Variants in CCT8 observed in about 807,000 individuals in gnomAD.
CCT8 encodes T-complex protein 1 subunit theta.
CCT8 carries 10 observed loss-of-function variants against 65.7 expected under a neutral mutation model. The observed-to-expected ratio is 0.15, with a 90% CI of 0.09 to 0.26. CCT8 has a LOEUF of 0.26. CCT8 is among the 10% of genes least tolerant of loss of function. CCT8 has a pLI of 1.00. For synonymous variants in CCT8, 199 were observed against 221.8 expected, an observed-to-expected ratio of 0.90 and a Z score of 0.92; for missense variants, 568 against 669.1, an observed-to-expected ratio of 0.85 and a Z score of 1.67.
chr21:29,057,331 C>T (rs2085509042), intron 14 of CCT8, among the ~76,000 whole-genome samples: 1 of 151,676 alleles, frequency 6.6e-6, no homozygotes, highest in African/African-American at 2.4e-5. Flanking sequence ...ATCACCATGC[C>T]CGGCTAAGTT....
At chr21:29,058,358 T>C (rs2085527336) in intron 14 of CCT8, among the ~76,000 whole-genome samples, 1 of 151,820 alleles carries the variant, frequency 6.6e-6, no homozygotes, top group Non-Finnish European at 1.5e-5. Context: ...GCAGAATTGC[T>C]TGAACCTGGG....
chr21:29,062,645 C>A (rs373495330), intron 8 of CCT8, 89 bp from the exon 9 acceptor site: 5 of 948,048 alleles, frequency 5.3e-6, no homozygotes, highest in African/African-American at 1.7e-5. Flanking sequence ...TGTATACCAG[C>A]CCCCATGTCA....
chr21:29,060,472 C>T, intron 14 of CCT8, 69 bp downstream of exon 14: 4 of 1,506,466 alleles, frequency 2.7e-6, no homozygotes, highest in Non-Finnish European at 3.7e-6. Flanking sequence ...TGTTCTAGTT[C>T]TGGGAAAATA....
At chr21:29,057,709 A>C (rs563187075) in intron 14 of CCT8, among the ~76,000 whole-genome samples, 1 of 146,538 alleles carries the variant, frequency 6.8e-6, no homozygotes, top group African/African-American at 2.5e-5. Flanking sequence ...TATCATATAT[A>C]ATATATATCA....
chr21:29,059,136 T>C (rs2085535608), intron 14 of CCT8, among the ~76,000 whole-genome samples: 1 of 152,234 alleles, frequency 6.6e-6, no homozygotes, highest in Non-Finnish European at 1.5e-5. Flanking sequence ...GGGACCATAC[T>C]TTGAGAACTA....
intron 1 of CCT8, chr21:29,071,951 C>T (rs1293528377): frequency 2.8e-6 from 2 of 702,276 alleles, no homozygotes; most frequent in Non-Finnish European, 5.2e-6. Context: ...TCTGAACTTA[C>T]CATTCTTCCT....
chr21:29,069,113 CTG>C (rs2085655314), intron 3 of CCT8, among the ~76,000 whole-genome samples: 1 of 152,136 alleles, frequency 6.6e-6, no homozygotes, highest in Non-Finnish European at 1.5e-5. Flanking sequence ...CGTTTTTGCA[CTG>C]TGGAATAATT....
At chr21:29,061,792 T>G (rs1388296861) in intron 11 of CCT8, among the ~76,000 whole-genome samples, 2 of 152,194 alleles carry the variant, frequency 1.3e-5, no homozygotes, top group African/African-American at 4.8e-5. Context: ...AAGTGAAGAA[T>G]GGGAATAGTA....
intron 2 of CCT8, 92 bp downstream of exon 2, chr21:29,070,155 C>A: frequency 6.0e-6 from 4 of 667,688 alleles, no homozygotes; most frequent in South Asian, 2.8e-5. Flanking sequence ...CTTCCGAAGT[C>A]ATACCATAAC....
rs2085710650 is a variant in CCT8 at position 29,073,648 on chromosome 21, G to A, written c.-58C>T. 4 of 1,517,228 alleles carry A rather than the reference G, an allele frequency of 2.6e-6. No homozygotes were observed. The highest frequency in any genetic ancestry group is 2.3e-5 in the East Asian group (1 of 44,424). The allele number at this position is 1,517,228 out of a possible 1,614,324, so 94.0% of individuals were successfully genotyped here. ...CTCGGAAGACCGCGGAGGAAGCGAG[G>A]AGCACGCACAGCCTTCTGGGAAAGC... On this transcript the variant is annotated 5_prime_UTR_variant, in exon 1 of 15. Coordinates refer to ENST00000286788, the MANE Select transcript of CCT8 (RefSeq NM_006585.4).
chr21:29,069,379 GATGTCACCAAAAT>G, intron 3 of CCT8, 31 bp downstream of exon 3: 2 of 1,111,032 alleles, frequency 1.8e-6, no homozygotes, highest in East Asian at 5.0e-5. Context: ...ACTTAATTTT[GATGTCACCAAAAT>G]ATTTCTTGAC....
In CCT8 at chr21:29,056,491, T is replaced by A. The variant is rs909368329; in HGVS notation, c.1631A>T (p.Asp544Val). ...AAGCCAATTTCAATCATTTTGGTCA[T>A]CATCCCAGTCTTTCTTCCCACTTGG... The part of the protein sequence containing the change: ...KPPSGKKDWD[D>V]DQND Residue 544 changes from aspartate (D) to valine (V), a missense_variant, in exon 15 of 15, where the codon GAT becomes GTT. By Grantham distance (152) the Asp-to-Val change is radical. Coordinates refer to ENST00000286788, the MANE Select transcript of CCT8 (RefSeq NM_006585.4). 80 of 1,531,974 alleles carry A rather than the reference T, an allele frequency of 5.2e-5. No individual in the cohort carries two copies. The highest frequency in any genetic ancestry group is 6.4e-5 in the Non-Finnish European group (73 of 1,137,994). The allele number at this position is 1,531,974 out of a possible 1,614,324, so 94.9% of individuals were successfully genotyped here.
chr21:29,062,171 C>G lies in CCT8; in HGVS notation c.1169G>C (p.Arg390Thr). The change falls in exon 11 of 15, where the codon AGG becomes ACG. Residue 390 changes from arginine to threonine, a missense_variant. Transcript: ENST00000286788. ...STDNLMDDIE[R>T]AVDDGVNTFK... ...AGTATTAACACCATCGTCTACTGCCCTTTCTATGTCATCCATCAGATTGTC... is the reference window on the plus strand; with the variant it reads ...AGTATTAACACCATCGTCTACTGCCGTTTCTATGTCATCCATCAGATTGTC... 1 of 1,613,408 alleles carries G rather than the reference C, an allele frequency of 6.2e-7. No individual in the cohort carries two copies.
chr21:29,058,733 A>C (rs2085531325), intron 14 of CCT8, among the ~76,000 whole-genome samples: 2 of 151,358 alleles, frequency 1.3e-5, no homozygotes, highest in Non-Finnish European at 2.9e-5. Flanking sequence ...CTGGGACTAC[A>C]GGCATCTGCC....
At chr21:29,057,662 T>C (rs1010558726) in intron 14 of CCT8, among the ~76,000 whole-genome samples, 13 of 142,578 alleles carry the variant, frequency 9.1e-5, no homozygotes, top group Admixed American at 6.4e-4. Context: ...ATATATATGA[T>C]ATATGTATCA....
In CCT8 at chr21:29,073,580, T is replaced by C. The variant is rs776634991; in HGVS notation, c.11A>G (p.His4Arg). Residue 4 changes from histidine to arginine, a missense_variant, in exon 1 of 15, where the codon CAC becomes CGC. Transcript: ENST00000286788. MAL[H>R]VPKAPGFAQM... The stretch of plus-strand genomic sequence containing the variant: ...GGCAAAGCCCGGAGCCTTGGGAACG[T>C]GAAGCGCCATGGCCAGCCTGCAGGA... The C allele has an allele frequency of 3.7e-6, 6 of 1,613,972 alleles. No individual in the cohort carries two copies. Among genetic ancestry groups the C allele is most frequent in the Non-Finnish European group, 5.1e-6 (6 of 1,180,006 alleles).
At chr21:29,071,966 T>C in intron 1 of CCT8, 1 of 702,474 alleles carries the variant, frequency 1.4e-6, no homozygotes, top group South Asian at 1.5e-5. Flanking sequence ...CTTCCTTTCT[T>C]TGGTAAGCTT....
intron 14 of CCT8, among the ~76,000 whole-genome samples, chr21:29,059,075 G>A (rs2146420774): frequency 6.6e-6 from 1 of 152,248 alleles, no homozygotes; most frequent in African/African-American, 2.4e-5. Context: ...CACCATACCT[G>A]GCTGAGAACT....
At chr21:29,067,480 G>T (rs2085636737) in intron 4 of CCT8, 76 bp downstream of exon 4, 1 of 1,171,976 alleles carries the variant, frequency 8.5e-7, no homozygotes, top group East Asian at 2.9e-5. Flanking sequence ...CTATAATAAT[G>T]ATTTTAGTTT....
Sources: allele counts gnomAD v4.1 joint callset (sites outside exome capture counted in the v4.1 genomes callset), GRCh38; gene constraint gnomAD v4.1.1; transcripts MANE v1.5; gene names NCBI Gene and HGNC (gene_info 2026-07-23, HGNC 2026-07-21).